The following PCDHA13 variants were observed in gnomAD, a reference collection of about 807,000 sequenced individuals.
The protein encoded by PCDHA13 is protocadherin alpha-13.
A neutral mutation model predicts 64.8 loss-of-function variants in PCDHA13; 54 were observed. That is an observed-to-expected ratio of 0.83 (90% CI 0.67 to 1.04). The LOEUF is 1.04. Ranked by LOEUF, PCDHA13 falls within the 50% of genes least tolerant of loss-of-function variation. The pLI is 0.00. For synonymous variants in PCDHA13, 587 were observed against 564.4 expected, an observed-to-expected ratio of 1.04 and a Z score of -0.57; for missense variants, 1,248 against 1,254.3, an observed-to-expected ratio of 0.99 and a Z score of 0.08.
chr5:140,926,880 G>A lies in PCDHA13; in HGVS notation c.2394+42218G>A. 4 of 1,534,946 alleles carry A rather than the reference G, an allele frequency of 2.6e-6. No homozygotes were observed. The South Asian group carries it at 3.8e-5, about 15-fold the overall frequency. On this transcript the variant is annotated intron_variant, in intron 1 of 3. Transcript: ENST00000289272. ...TGTAGCGTGTTGGTGGAACGTGGAC[G>A]CCTAGAGGGAGGATGGTGGGCTGTG...
chr5:140,987,034 C>T (rs782321957), intron 3 of PCDHA13, among the ~76,000 whole-genome samples: 12 of 151,770 alleles, frequency 7.9e-5, no homozygotes, highest in Non-Finnish European at 1.6e-4. Context: ...GTCAACATGG[C>T]GAAACCCCAT....
intron 1 of PCDHA13, among the ~76,000 whole-genome samples, chr5:140,954,167 CT>C (rs1366012595): frequency 2.6e-5 from 4 of 152,212 alleles, no homozygotes; most frequent in African/African-American, 9.6e-5. Context: ...ACCACATTTT[CT>C]TTATCCAGTC....
intron 1 of PCDHA13, among the ~76,000 whole-genome samples, chr5:140,908,466 C>T (rs2073988233): frequency 6.6e-6 from 1 of 152,134 alleles, no homozygotes. Flanking sequence ...TCAGAAAGCA[C>T]CCAGTTCATG....
chr5:140,976,982 T>G (rs1348911349), intron 1 of PCDHA13, among the ~76,000 whole-genome samples: 1 of 152,240 alleles, frequency 6.6e-6, no homozygotes, highest in African/African-American at 2.4e-5. Flanking sequence ...CTGCCTGATC[T>G]TACTGCCATA....
chr5:141,005,691 A>G (rs1481537036), intron 3 of PCDHA13, among the ~76,000 whole-genome samples: 1 of 134,408 alleles, frequency 7.4e-6, no homozygotes, highest in Non-Finnish European at 1.6e-5. Flanking sequence ...GACAGAGCGA[A>G]ACTCCGTCTC....
intron 1 of PCDHA13, among the ~76,000 whole-genome samples, chr5:140,932,531 G>A (rs1379233805): frequency 4.6e-5 from 7 of 151,752 alleles, no homozygotes; most frequent in Non-Finnish European, 8.9e-5. Context: ...TGGCATTCAA[G>A]GTGCTTTATT....
chr5:140,950,826 G>A (rs1554219646), intron 1 of PCDHA13, among the ~76,000 whole-genome samples: 1 of 151,824 alleles, frequency 6.6e-6, no homozygotes, highest in African/African-American at 2.4e-5. Flanking sequence ...TTAAAGTTTG[G>A]TCCTTTAAGA....
In PCDHA13 at chr5:140,929,054, C is replaced by T. The variant is rs782514800; in HGVS notation, c.2394+44392C>T. 27 of 1,614,056 alleles carry T rather than the reference C, an allele frequency of 1.7e-5. No individual in the cohort carries two copies. The highest frequency in any genetic ancestry group is 2.1e-5 in the Non-Finnish European group (25 of 1,180,042). ...TGTTGCGCTCAGAGCTGCTGTCGCT[C>T]TACAGAGGATCTGAGGTATGGAAGT... is the stretch of plus-strand genomic sequence containing the variant. On this transcript the variant is annotated intron_variant, in intron 1 of 3. Coordinates refer to ENST00000289272, the MANE Select transcript of PCDHA13 (RefSeq NM_018904.3).
chr5:140,944,710 T>C (rs564606677), intron 1 of PCDHA13, among the ~76,000 whole-genome samples: 1 of 152,300 alleles, frequency 6.6e-6, no homozygotes, highest in East Asian at 1.9e-4. Flanking sequence ...TCAGGTTATT[T>C]TGCCTTTGAA....
chr5:140,916,910 A>G (rs898370877), intron 1 of PCDHA13, among the ~76,000 whole-genome samples: 3 of 152,194 alleles, frequency 2.0e-5, no homozygotes, highest in African/African-American at 7.2e-5. Context: ...AAGTTTACCT[A>G]GAACCTCAGA....
chr5:141,009,944 C>T lies in PCDHA13; in HGVS notation c.*7C>T. On this transcript the variant is annotated 3_prime_UTR_variant, in exon 4 of 4. Coordinates refer to ENST00000289272, the MANE Select transcript of PCDHA13 (RefSeq NM_018904.3). Reference sequence around the variant, plus strand: ...TGACAACAGTGACCAGTGAGGTCCTCAAATGGAAACAAGCCACTTAGCCAG... The same window carrying T: ...TGACAACAGTGACCAGTGAGGTCCTTAAATGGAAACAAGCCACTTAGCCAG... The T allele has an allele frequency of 6.3e-7, 1 of 1,595,754 alleles. No individual in the cohort carries two copies. The highest frequency in any genetic ancestry group is 1.1e-5 in the South Asian group (1 of 87,514).
chr5:140,894,484 T>C (rs2064498102), intron 1 of PCDHA13, among the ~76,000 whole-genome samples: 1 of 152,002 alleles, frequency 6.6e-6, no homozygotes, highest in Admixed American at 6.5e-5. Flanking sequence ...TTTCATCTTA[T>C]AGTTTTCTTT....
chr5:140,908,490 G>A (rs149646315), intron 1 of PCDHA13, among the ~76,000 whole-genome samples: 2 of 152,140 alleles, frequency 1.3e-5, no homozygotes, highest in Admixed American at 6.5e-5. Context: ...GGCAGTTCAG[G>A]TTGCTTGGTG....
At chr5:140,929,391 A>T (rs1563116530) in intron 1 of PCDHA13, 3 of 1,511,404 alleles carry the variant, frequency 2.0e-6, no homozygotes, top group Non-Finnish European at 2.7e-6. Context: ...GTTTTGAAAT[A>T]TTTCTTAGAC....
At chr5:140,993,577 T>A (rs1215999612) in intron 3 of PCDHA13, among the ~76,000 whole-genome samples, 1 of 151,978 alleles carries the variant, frequency 6.6e-6, no homozygotes, top group African/African-American at 2.4e-5. Flanking sequence ...CTAGGGATGC[T>A]TTTCTTGGCT....
intron 1 of PCDHA13, among the ~76,000 whole-genome samples, chr5:140,914,820 C>T (rs1277610128): frequency 6.6e-6 from 1 of 151,970 alleles, no homozygotes; most frequent in African/African-American, 2.4e-5. Flanking sequence ...TAACAGACTG[C>T]ATAAACAAAA....
chr5:140,926,713 C>T (rs1018008271), intron 1 of PCDHA13: 2 of 944,684 alleles, frequency 2.1e-6, no homozygotes, highest in Non-Finnish European at 2.9e-6. Context: ...CTGGCCAGCC[C>T]CGGCAATGCC....
intron 3 of PCDHA13, among the ~76,000 whole-genome samples, chr5:141,000,381 CTCTCTCTCTCTCTCTATA>C (rs1371464108): frequency 4.9e-5 from 3 of 61,382 alleles, no homozygotes; most frequent in South Asian, 5.3e-4. Flanking sequence ...CTCTCTCTCT[CTCTCTCTCTCTCTCTATA>C]TATATATATA....
chr5:140,967,935 A>G (rs186453952), intron 1 of PCDHA13: 13 of 1,614,214 alleles, frequency 8.1e-6, no homozygotes, highest in South Asian at 4.4e-5. Flanking sequence ...CTCAGTGTCA[A>G]TGACCAAGAC....
Sources: gnomAD v4.1 joint callset for allele counts (sites outside exome capture counted in the v4.1 genomes callset) on GRCh38, gnomAD v4.1.1 for gene constraint, MANE v1.5 for transcripts, NCBI Gene and HGNC (gene_info 2026-07-23, HGNC 2026-07-21) for gene names.